DGKB: variants seen among roughly 807,000 people sequenced by gnomAD.
DGKB encodes 90 kDa diacylglycerol kinase.
In DGKB, 67 loss-of-function variants were observed where a neutral mutation model predicts 114.3. That is an observed-to-expected ratio of 0.59 (90% CI 0.48 to 0.72). The LOEUF is 0.72. DGKB is among the 30% of genes least tolerant of loss of function. The pLI, the probability that DGKB is intolerant of heterozygous loss-of-function variation, is 0.00. For synonymous variants in DGKB, 398 were observed against 323.1 expected, an observed-to-expected ratio of 1.23 and a Z score of -2.49; for missense variants, 907 against 975.2, an observed-to-expected ratio of 0.93 and a Z score of 0.93.
In DGKB at chr7:14,178,061, C is replaced by T. The variant is rs1164942783; in HGVS notation, c.2213G>A (p.Arg738Gln). 3 of 1,601,808 alleles carry T rather than the reference C, an allele frequency of 1.9e-6. No individual in the cohort carries two copies. Among genetic ancestry groups the T allele is most frequent in the African/African-American group, 1.3e-5 (1 of 74,202 alleles). The change falls in exon 24 of 26, where the codon CGG becomes CAG. Residue 738 changes from arginine to glutamine, a missense_variant. By Grantham distance (43) the Arg-to-Gln change is conservative. Around this residue, in one of 3 missense-constraint regions of DGKB, gnomAD observed 35 missense variants for 66.0 expected, o/e 0.53. Transcript: ENST00000402815. ...IYTGLKSAGRRLAQCSCVVIR... is the reference protein window; with the variant it reads ...IYTGLKSAGRQLAQCSCVVIR... Reference sequence around the variant, plus strand: ...GACCACGCAGGAGCACTGAGCCAGCCGCCGGCCAGCACTTTTCAGGCCTGT... The same window carrying T: ...GACCACGCAGGAGCACTGAGCCAGCTGCCGGCCAGCACTTTTCAGGCCTGT...
At chr7:14,545,243 G>A (rs1267608906) in intron 20 of DGKB, among the ~76,000 whole-genome samples, 3 of 152,058 alleles carry the variant, frequency 2.0e-5, no homozygotes, top group African/African-American at 7.2e-5. Flanking sequence ...CAACTCGGGG[G>A]AAAAATGATT....
chr7:14,257,638 G>T (rs2128403989), intron 23 of DGKB, among the ~76,000 whole-genome samples: 1 of 152,178 alleles, frequency 6.6e-6, no homozygotes, highest in East Asian at 1.9e-4. Flanking sequence ...TCTCTTTCCT[G>T]CACCCCTGTG....
At chr7:14,379,399 GTTTT>G (rs754264385) in intron 21 of DGKB, among the ~76,000 whole-genome samples, 3 of 139,456 alleles carry the variant, frequency 2.2e-5, no homozygotes, top group African/African-American at 5.4e-5. Flanking sequence ...AAATTATGGA[GTTTT>G]TTTTTTTTTT....
At chr7:14,714,576 CAT>C (rs1385967246) in intron 6 of DGKB, among the ~76,000 whole-genome samples, 1 of 151,936 alleles carries the variant, frequency 6.6e-6, no homozygotes, top group Non-Finnish European at 1.5e-5. Flanking sequence ...GTTGCAAGAA[CAT>C]ACACTTAATG....
At position 14,278,770 on chromosome 7, in the gene DGKB, G is replaced by A. The variant is rs115793607; in HGVS notation, c.2122+59745C>T. Reference sequence around the variant, plus strand: ...TTAATAAGCAAAATAATAATAATGAGAATAATAATATAAGGAACACAAACA... The same window carrying A: ...TTAATAAGCAAAATAATAATAATGAAAATAATAATATAAGGAACACAAACA... On this transcript the variant is annotated intron_variant, in intron 23 of 25. Transcript: ENST00000402815. Among the ~76,000 whole-genome samples the A allele has an allele frequency of 7.4e-3, 1,122 of 152,012 alleles. 14 individuals are homozygous for A. Among genetic ancestry groups the A allele is most frequent in the African/African-American group, 0.025 (1,038 of 41,456 alleles).
chr7:14,764,296 ATAATT>A (rs1383988673), intron 2 of DGKB, among the ~76,000 whole-genome samples: 2 of 152,132 alleles, frequency 1.3e-5, no homozygotes, highest in African/African-American at 2.4e-5. Context: ...ATTAATTTAT[ATAATT>A]TAATTGTATA....
Position 14,718,698 on chromosome 7 carries a change from T to C in DGKB, c.323-13A>G, listed in dbSNP as rs540066328. ...TTCATTCTCAGACCTGGAAAAAAAATTGTCTTTATATTTTGTTAATTATTT... is the reference window on the plus strand; with the variant it reads ...TTCATTCTCAGACCTGGAAAAAAAACTGTCTTTATATTTTGTTAATTATTT... On this transcript the variant is annotated splice_polypyrimidine_tract_variant and intron_variant, in intron 5 of 25. Coordinates refer to ENST00000402815, the MANE Select transcript of DGKB (RefSeq NM_001350709.2). 2.6e-5 allele frequency: 42 copies of C among 1,587,232 alleles called. No homozygotes were observed. The highest frequency in any genetic ancestry group is 6.9e-5 in the South Asian group (6 of 87,092).
At chr7:14,277,047 C>G (rs1169749984) in intron 23 of DGKB, among the ~76,000 whole-genome samples, 1 of 152,044 alleles carries the variant, frequency 6.6e-6, no homozygotes, top group African/African-American at 2.4e-5. Context: ...TATAGTCACT[C>G]TACTGTGCAA....
chr7:14,147,169 G>C lies in DGKB; in HGVS notation c.*1962C>G, dbSNP rs989053958. ...GTAACATTATGTCAGTAATGTACTTGTTACTGTTTTGAGATTTCTTTCTTT... is the reference window on the plus strand; with the variant it reads ...GTAACATTATGTCAGTAATGTACTTCTTACTGTTTTGAGATTTCTTTCTTT... On this transcript the variant is annotated 3_prime_UTR_variant, in exon 26 of 26. Coordinates refer to ENST00000402815, the MANE Select transcript of DGKB (RefSeq NM_001350709.2). 1 of 152,058 alleles carries C rather than the reference G, an allele frequency of 6.6e-6. No homozygotes were observed. The highest frequency in any genetic ancestry group is 1.5e-5 in the Non-Finnish European group (1 of 67,972). The allele number at this position is 152,058 out of a possible 1,614,324, so 9.4% of individuals were successfully genotyped here. A position where few individuals can be genotyped will look rare whatever the true frequency, so the allele number is the denominator to read the frequency against.
rs117976214 is a variant in DGKB at position 14,382,430 on chromosome 7, G to A, written c.1836-37039C>T. On this transcript the variant is annotated intron_variant, in intron 21 of 25. Coordinates refer to ENST00000402815, the MANE Select transcript of DGKB (RefSeq NM_001350709.2). Reference sequence around the variant, plus strand: ...ATCTATTGCTAATAATCTTTTCAGTGCTTACATATGTGCATGCCTGTACAC... The same window carrying A: ...ATCTATTGCTAATAATCTTTTCAGTACTTACATATGTGCATGCCTGTACAC... Among the ~76,000 whole-genome samples, 54 of 144,782 alleles carry A rather than the reference G, an allele frequency of 3.7e-4. 1 individual carries two copies. The East Asian group carries it at 0.011, about 29-fold the overall frequency. 95.0% of individuals were successfully genotyped at this position (144,782 alleles called of 152,430 possible).
intron 17 of DGKB, among the ~76,000 whole-genome samples, chr7:14,585,780 C>T (rs765476634): frequency 1.1e-4 from 16 of 152,078 alleles, no homozygotes; most frequent in Admixed American, 2.6e-4. Context: ...TTGTAATTAT[C>T]GCAATATTTC....
rs2128207816 is a variant in DGKB, at chr7:14,148,327, G to GA, written c.*803dup. 6.6e-6 allele frequency: 1 copy of GA among 152,600 alleles called. No homozygotes were observed. Among genetic ancestry groups the GA allele is most frequent in the South Asian group, 2.1e-4 (1 of 4,828 alleles). 9.5% of individuals were successfully genotyped at this position (152,600 alleles called of 1,614,324 possible). ...GCATTGTTTTCTGAATCTTTGGTGG[G>GA]AAACACATTGATTAGGCACATAGTT... On this transcript the variant is annotated 3_prime_UTR_variant, in exon 26 of 26. Transcript: ENST00000402815.
intron 1 of DGKB, among the ~76,000 whole-genome samples, chr7:14,933,718 A>G (rs1374481600): frequency 2.0e-5 from 3 of 152,196 alleles, no homozygotes; most frequent in African/African-American, 7.2e-5. Flanking sequence ...AGGAACCTGT[A>G]AAGTTTAACA....
intron 22 of DGKB, among the ~76,000 whole-genome samples, chr7:14,344,872 A>G (rs1391475389): frequency 6.6e-6 from 1 of 151,624 alleles, no homozygotes; most frequent in Admixed American, 6.6e-5. Flanking sequence ...TGGAATGGAA[A>G]AGTATACTTT....
chr7:14,810,672 G>A (rs184189978), intron 2 of DGKB, among the ~76,000 whole-genome samples: 1 of 152,058 alleles, frequency 6.6e-6, no homozygotes, highest in East Asian at 1.9e-4. Context: ...ATCTTGGCAC[G>A]ATCTTGGCTC....
At chr7:14,652,477 T>C (rs1222424568) in intron 13 of DGKB, among the ~76,000 whole-genome samples, 1 of 152,002 alleles carries the variant, frequency 6.6e-6, no homozygotes, top group Non-Finnish European at 1.5e-5. Context: ...ATCCCTTCCT[T>C]ACACCTTATT....
At chr7:14,369,497 T>C (rs1303073591) in intron 21 of DGKB, among the ~76,000 whole-genome samples, 2 of 152,160 alleles carry the variant, frequency 1.3e-5, no homozygotes, top group African/African-American at 4.8e-5. Context: ...AATTGCCACA[T>C]TGTCTTCCAC....
chr7:14,729,052 A>G (rs1830444523), intron 5 of DGKB, among the ~76,000 whole-genome samples: 1 of 150,154 alleles, frequency 6.7e-6, no homozygotes, highest in Non-Finnish European at 1.5e-5. Flanking sequence ...ACCATCTGAT[A>G]TGGTACACGT....
chr7:14,777,865 G>T (rs1838440632), intron 2 of DGKB, among the ~76,000 whole-genome samples: 1 of 151,864 alleles, frequency 6.6e-6, no homozygotes, highest in African/African-American at 2.4e-5. Context: ...TGCTTAATTT[G>T]CCCTTGAGCA....
Sources: allele counts gnomAD v4.1 joint callset (sites outside exome capture counted in the v4.1 genomes callset), GRCh38; gene constraint gnomAD v4.1.1; regional missense constraint gnomAD v4.1.1; transcripts MANE v1.5; gene names NCBI Gene and HGNC (gene_info 2026-07-23, HGNC 2026-07-21).